Variants in AGTPBP1 observed in about 807,000 individuals in gnomAD.
The protein encoded by AGTPBP1 is ATP/GTP binding carboxypeptidase 1.
A neutral mutation model predicts 143.9 loss-of-function variants in AGTPBP1; 70 were observed. The ratio of observed to expected loss-of-function variants is 0.49; its 90% CI spans 0.40 to 0.59. AGTPBP1 has a LOEUF of 0.59. Ranked by LOEUF, AGTPBP1 falls within the 20% of genes least tolerant of loss-of-function variation. AGTPBP1 has a pLI of 0.00. For missense variants in AGTPBP1, 1,229 were observed against 1,464.5 expected (o/e 0.84, Z 2.62); for synonymous variants, 463 against 500.2 (o/e 0.93, Z 0.99).
At chr9:85,563,193 G>A (rs1826855253) in intron 25 of AGTPBP1, among the ~76,000 whole-genome samples, 1 of 152,180 alleles carries the variant, frequency 6.6e-6, no homozygotes, top group Non-Finnish European at 1.5e-5. Flanking sequence ...AACTGGGGGT[G>A]CTATTGTAAC....
intron 2 of AGTPBP1, among the ~76,000 whole-genome samples, chr9:85,699,850 CTG>C (rs1033589503): frequency 1.3e-5 from 2 of 152,132 alleles, no homozygotes; most frequent in African/African-American, 4.8e-5. Context: ...CAAATTAAAA[CTG>C]AACAAATTTT....
At chr9:85,559,025 G>A (rs977675846) in intron 25 of AGTPBP1, among the ~76,000 whole-genome samples, 1 of 152,096 alleles carries the variant, frequency 6.6e-6, no homozygotes, top group Non-Finnish European at 1.5e-5. Context: ...ACTATTAAAT[G>A]TTTCATCAGT....
At chr9:85,605,137 GGC>G in intron 17 of AGTPBP1, among the ~76,000 whole-genome samples, 1 of 152,032 alleles carries the variant, frequency 6.6e-6, no homozygotes, top group Admixed American at 6.6e-5. Flanking sequence ...AGTACAAGAA[GGC>G]TATAGAACAC....
chr9:85,677,591 TAAAA>T lies in AGTPBP1; in HGVS notation c.290-13_290-10del. 8.6e-7 allele frequency: 1 copy of T among 1,166,546 alleles called. No homozygotes were observed. Among genetic ancestry groups the T allele is most frequent in the Non-Finnish European group, 1.1e-6 (1 of 872,346 alleles). The allele number at this position is 1,166,546 out of a possible 1,614,324, so 72.3% of individuals were successfully genotyped here. A position where few individuals can be genotyped will look rare whatever the true frequency, so the allele number is the denominator to read the frequency against. ...CACTCTTCGACCTCCACCTAAAAAT[TAAAA>T]AAAAAAAAAATTTAAACAACAAATT... On this transcript the variant is annotated splice_polypyrimidine_tract_variant and intron_variant, in intron 5 of 25. Transcript: ENST00000357081.
chr9:85,708,337 T>C (rs1010830424), intron 2 of AGTPBP1, among the ~76,000 whole-genome samples: 9 of 151,852 alleles, frequency 5.9e-5, no homozygotes, highest in Non-Finnish European at 1.2e-4. Context: ...AGATGCTCAA[T>C]TTATTTATAT....
chr9:85,742,171 C>T, upstream of AGTPBP1: 3 of 375,952 alleles, frequency 8.0e-6, no homozygotes, highest in Non-Finnish European at 1.2e-5. Flanking sequence ...CGCGTGGGGG[C>T]GGAGCGCGCA....
In AGTPBP1 at chr9:85,660,475, T is replaced by C. The variant is rs146337348; in HGVS notation, c.700+461A>G. 1.2e-3 allele frequency among the ~76,000 whole-genome samples: 181 copies of C among 152,296 alleles called. 4 individuals are homozygous for C. The East Asian group carries it at 0.03, about 26-fold the overall frequency. On this transcript the variant is annotated intron_variant, in intron 9 of 25. Transcript: ENST00000357081. ...TTGTAAATGAATTAGACTGTAAATG[T>C]ATATTGTCACATTTTCTAAATGTTA... is the stretch of plus-strand genomic sequence containing the variant.
chr9:85,635,919 A>T (rs1412678128), intron 13 of AGTPBP1, among the ~76,000 whole-genome samples: 2 of 152,202 alleles, frequency 1.3e-5, no homozygotes, highest in East Asian at 3.9e-4. Flanking sequence ...CCACTCACAA[A>T]CTGGTATTAA....
intron 1 of AGTPBP1, among the ~76,000 whole-genome samples, chr9:85,712,812 C>A (rs993698546): frequency 1.3e-5 from 2 of 152,154 alleles, no homozygotes; most frequent in South Asian, 4.1e-4. Context: ...AACGCAGAAA[C>A]CTAACATAAT....
In AGTPBP1 at chr9:85,672,593, C is replaced by A; in HGVS notation, c.525G>T (p.Leu175Phe). Residue 175 changes from leucine to phenylalanine, a missense_variant, in exon 7 of 26, where the codon TTG becomes TTT. Physicochemically the swap from Leu to Phe is conservative, Grantham distance 22 (BLOSUM62 0). This residue lies in a region of AGTPBP1 where 743 missense variants were observed against 812.2 expected (regional missense o/e 0.91). Transcript: ENST00000357081. ...GTAAAAGCTGAAGGCAAGGTAGAACCAAGCGATGATTCTGCAAATTCTGCT... is the reference window on the plus strand; with the variant it reads ...GTAAAAGCTGAAGGCAAGGTAGAACAAAGCGATGATTCTGCAAATTCTGCT... ...LVKQNLQNHR[L>F]VLPCLQLLRV... 1 of 1,613,666 alleles carries A rather than the reference C, an allele frequency of 6.2e-7. No homozygotes were observed. Among genetic ancestry groups the A allele is most frequent in the Non-Finnish European group, 8.5e-7 (1 of 1,179,888 alleles).
At chr9:85,675,185 C>T (rs1434120747) in intron 6 of AGTPBP1, among the ~76,000 whole-genome samples, 1 of 151,790 alleles carries the variant, frequency 6.6e-6, no homozygotes, top group Non-Finnish European at 1.5e-5. Context: ...CATGAGACAC[C>T]GTACCCGGCC....
At chr9:85,590,328 T>C (rs1327637294) in intron 19 of AGTPBP1, among the ~76,000 whole-genome samples, 4 of 152,190 alleles carry the variant, frequency 2.6e-5, no homozygotes, top group Admixed American at 2.0e-4. Flanking sequence ...AATTTGATTT[T>C]ATCACTTAAA....
chr9:85,619,175 T>A (rs369215851), intron 16 of AGTPBP1, 40 bp downstream of exon 16: 3 of 1,610,504 alleles, frequency 1.9e-6, no homozygotes, highest in Non-Finnish European at 2.5e-6. Context: ...TTAGGAAATA[T>A]CTGTGCACAT....
At chr9:85,557,521 T>C (rs527358568) in intron 25 of AGTPBP1, among the ~76,000 whole-genome samples, 1 of 152,340 alleles carries the variant, frequency 6.6e-6, no homozygotes, top group African/African-American at 2.4e-5. Context: ...ATTTTCTATG[T>C]AGTAGCAATA....
chr9:85,741,629 A>C, intron 1 of AGTPBP1, 146 bp downstream of exon 1: 1 of 1,241,370 alleles, frequency 8.1e-7, no homozygotes, highest in East Asian at 3.2e-5. Context: ...CATGTGTAAC[A>C]TGCGTTACAC....
At chr9:85,671,151 T>A (rs1037819760) in intron 7 of AGTPBP1, among the ~76,000 whole-genome samples, 1 of 152,046 alleles carries the variant, frequency 6.6e-6, no homozygotes, top group African/African-American at 2.4e-5. Flanking sequence ...TCTCACTATG[T>A]TGCCCAGGCT....
chr9:85,744,550 A>C (rs1824560091), upstream of AGTPBP1, among the ~76,000 whole-genome samples: 1 of 152,228 alleles, frequency 6.6e-6, no homozygotes, highest in Non-Finnish European at 1.5e-5. Context: ...GAATTTGTTA[A>C]GCAAAAGGAA....
At chr9:85,677,666 T>G (rs1362017867) in intron 5 of AGTPBP1, 84 bp from the exon 6 acceptor site, 1 of 1,172,980 alleles carries the variant, frequency 8.5e-7, no homozygotes, top group African/African-American at 1.6e-5. Context: ...GTATCATAAC[T>G]TGTTAGCATT....
intron 11 of AGTPBP1, among the ~76,000 whole-genome samples, chr9:85,647,568 T>C (rs1832895985): frequency 6.6e-6 from 1 of 152,046 alleles, no homozygotes; most frequent in Non-Finnish European, 1.5e-5. Flanking sequence ...CAAAGATAAA[T>C]GCTAATGAAG....
Sources: gnomAD v4.1 joint callset for allele counts (sites outside exome capture counted in the v4.1 genomes callset) on GRCh38, gnomAD v4.1.1 for gene constraint, gnomAD v4.1.1 regional missense constraint, MANE v1.5 for transcripts, NCBI Gene and HGNC (gene_info 2026-07-23, HGNC 2026-07-21) for gene names.